BABAM1: variants seen among roughly 807,000 people sequenced by gnomAD.
The protein encoded by BABAM1 is BRISC and BRCA1-A complex member 1.
Under a neutral mutation model 34.4 loss-of-function variants are expected in BABAM1, and 14 were observed. That is an observed-to-expected ratio of 0.41 (90% CI 0.27 to 0.64). The LOEUF is 0.64. BABAM1 is among the 30% of genes least tolerant of loss of function. The pLI is 0.34. For missense variants in BABAM1, 393 were observed against 434.0 expected (o/e 0.91, Z 0.84); for synonymous variants, 169 against 165.8 (o/e 1.02, Z -0.15).
rs1188064192 is a variant in BABAM1 at position 17,276,583 on chromosome 19, C to T, written c.658C>T (p.Pro220Ser). ...CCGCACCATCCTTGTCTACAGCCGT[C>T]CACCTTGCCAGCCCCAGTTCTCCTT... Reference protein sequence around the residue: ...VVRTILVYSRPPCQPQFSLTE... With the variant: ...VVRTILVYSRSPCQPQFSLTE... Residue 220 changes from proline to serine, a missense_variant, in exon 7 of 9, where the codon CCA becomes TCA. Coordinates refer to ENST00000598188, the MANE Select transcript of BABAM1 (RefSeq NM_014173.4). The T allele has an allele frequency of 3.1e-6, 5 of 1,606,504 alleles. No individual in the cohort carries two copies. Among genetic ancestry groups the T allele is most frequent in the Non-Finnish European group, 3.4e-6 (4 of 1,176,700 alleles).
At chr19:17,270,221 G>A (rs1004618980) in intron 2 of BABAM1, among the ~76,000 whole-genome samples, 15 of 152,054 alleles carry the variant, frequency 9.9e-5, no homozygotes, top group Admixed American at 3.9e-4. Flanking sequence ...GTGAGCCACC[G>A]CACCCAGCCA....
At chr19:17,275,257 A>G (rs567423904) in intron 5 of BABAM1, among the ~76,000 whole-genome samples, 111 of 151,568 alleles carry the variant, frequency 7.3e-4, no homozygotes, top group Non-Finnish European at 1.4e-3. Flanking sequence ...TCTCTGCTCC[A>G]AAACCTCCCA....
intron 1 of BABAM1, among the ~76,000 whole-genome samples, chr19:17,268,090 C>T (rs963227122): frequency 1.8e-4 from 28 of 152,064 alleles, no homozygotes; most frequent in Admixed American, 2.6e-4. Flanking sequence ...ACCAGCTCTG[C>T]AACTCTAATG....
chr19:17,268,342 T>C (rs752816152), intron 1 of BABAM1, among the ~76,000 whole-genome samples: 7 of 151,910 alleles, frequency 4.6e-5, no homozygotes, highest in Non-Finnish European at 1.0e-4. Context: ...GCAGCCATTC[T>C]GCAGCTGAGG....
chr19:17,275,435 CAT>C (rs1049786004), intron 5 of BABAM1, among the ~76,000 whole-genome samples: 9 of 152,256 alleles, frequency 5.9e-5, no homozygotes, highest in Non-Finnish European at 1.0e-4. Flanking sequence ...GGATTACAGA[CAT>C]GTGCCATCAG....
intron 2 of BABAM1, among the ~76,000 whole-genome samples, chr19:17,271,258 G>A (rs1347192546): frequency 1.3e-5 from 2 of 152,098 alleles, no homozygotes; most frequent in Admixed American, 6.6e-5. Context: ...CCTAAGTGCT[G>A]GGATTACAGG....
chr19:17,269,929 C>CT (rs1229409830), intron 2 of BABAM1, among the ~76,000 whole-genome samples: 1,836 of 126,242 alleles, frequency 0.015, 31 homozygotes, highest in African/African-American at 0.046. Context: ...TTCTTTCTTT[C>CT]TTTTTTTTTT....
chr19:17,273,548 TTTTTTTGTTTGTTTTG>T (rs757486389), intron 3 of BABAM1, among the ~76,000 whole-genome samples: 41,599 of 88,754 alleles, frequency 0.47, 7,112 homozygotes, highest in African/African-American at 0.51. Context: ...GAAGGAAGTT[TTTTTTTGTTTGTTTTG>T]TTTTTTTTTT....
chr19:17,269,031 G>T lies in BABAM1; in HGVS notation c.225G>T (p.Val75=), dbSNP rs1568332682. The change falls in exon 2 of 9, where the codon GTG becomes GTT. Residue 75 remains valine (V), a synonymous_variant. Coordinates refer to ENST00000598188, the MANE Select transcript of BABAM1 (RefSeq NM_014173.4). The part of the protein sequence containing the change: ...TSGAGPKSWQ[V]PPPAPEVQIR... Reference sequence around the variant, plus strand: ...GAGCCGGCCCTAAGTCCTGGCAGGTGCCCCCGCCAGCCCCTGAGGTCCAAA... The same window carrying T: ...GAGCCGGCCCTAAGTCCTGGCAGGTTCCCCCGCCAGCCCCTGAGGTCCAAA... 6.3e-7 allele frequency: 1 copy of T among 1,586,332 alleles called. No homozygotes were observed. The highest frequency in any genetic ancestry group is 1.3e-5 in the African/African-American group (1 of 74,528).
intron 7 of BABAM1, 39 bp from the exon 8 acceptor site, chr19:17,276,784 C>A: frequency 6.3e-7 from 1 of 1,579,420 alleles, no homozygotes; most frequent in South Asian, 1.2e-5. Flanking sequence ...ACGGGGTGAC[C>A]CAAGCCCCAG....
At chr19:17,272,794 G>A (rs868817819) in intron 3 of BABAM1, among the ~76,000 whole-genome samples, 1 of 151,984 alleles carries the variant, frequency 6.6e-6, no homozygotes, top group Non-Finnish European at 1.5e-5. Context: ...CAAGGTGGGC[G>A]GATCACGAGG....
At position 17,274,108 on chromosome 19, in the gene BABAM1, T is replaced by C; in HGVS notation, c.467T>C (p.Leu156Pro). ...LVVVNDDTAW[L>P]SGLTSDPREL... ...ACTGAGGCCTCTGCTTCCCTGCAGC[T>C]GTCTGGCCTGACCTCCGACCCCCGC... Residue 156 changes from leucine to proline, a missense_variant and splice_region_variant, in exon 5 of 9, where the codon CTG becomes CCG. Leu to Pro is a moderately conservative substitution (Grantham distance 98, BLOSUM62 -3). Coordinates refer to ENST00000598188, the MANE Select transcript of BABAM1 (RefSeq NM_014173.4). 1 of 1,613,802 alleles carries C rather than the reference T, an allele frequency of 6.2e-7. No individual in the cohort carries two copies. The highest frequency in any genetic ancestry group is 8.5e-7 in the Non-Finnish European group (1 of 1,179,868).
intron 2 of BABAM1, among the ~76,000 whole-genome samples, chr19:17,271,081 C>T (rs920026628): frequency 6.6e-5 from 10 of 151,744 alleles, no homozygotes; most frequent in Admixed American, 3.3e-4. Flanking sequence ...CTCCACCTCC[C>T]GGGTTCAAGC....
chr19:17,277,895 G>A (rs1000746541), intron 8 of BABAM1, among the ~76,000 whole-genome samples: 2 of 149,846 alleles, frequency 1.3e-5, no homozygotes, highest in Admixed American at 1.3e-4. Context: ...ATAAAAATAC[G>A]GCCAGGTGTG....
Position 17,279,053 on chromosome 19 carries a change from T to C in BABAM1, c.*5T>C, listed in dbSNP as rs1599503542. 3 of 1,605,698 alleles carry C rather than the reference T, an allele frequency of 1.9e-6. No individual in the cohort carries two copies. In the East Asian group the frequency reaches 6.7e-5, roughly 36 times the overall value. The stretch of plus-strand genomic sequence containing the variant: ...GAGGTTGAGGCCACTGTCTGAACCA[T>C]CCCTGTACATCTGCACCTTCTTGTG... On this transcript the variant is annotated 3_prime_UTR_variant, in exon 9 of 9. Coordinates refer to ENST00000598188, the MANE Select transcript of BABAM1 (RefSeq NM_014173.4).
rs2073946808 is a variant in BABAM1 at position 17,279,263 on chromosome 19, C to G, written c.*215C>G. ...TGTGTCTCCCAGCCCATTTCCACTC[C>G]TAGTTTGTCATGGATAATTTTTGTT... On this transcript the variant is annotated 3_prime_UTR_variant, in exon 9 of 9. Coordinates refer to ENST00000598188, the MANE Select transcript of BABAM1 (RefSeq NM_014173.4). The G allele has an allele frequency of 2.0e-6, 1 of 498,094 alleles. No individual in the cohort carries two copies. Among genetic ancestry groups the G allele is most frequent in the Non-Finnish European group, 3.5e-6 (1 of 283,364 alleles). 30.9% of individuals were successfully genotyped at this position (498,094 alleles called of 1,614,324 possible).
intron 1 of BABAM1, chr19:17,268,570 T>A (rs2073797449): frequency 2.4e-6 from 1 of 415,324 alleles, no homozygotes; most frequent in East Asian, 4.7e-5. Context: ...GCTGGGATTA[T>A]CCGCATGCGC....
chr19:17,275,795 C>G lies in BABAM1; in HGVS notation c.545-6C>G. 6.2e-7 allele frequency: 1 copy of G among 1,613,876 alleles called. No individual in the cohort carries two copies. On this transcript the variant is annotated splice_polypyrimidine_tract_variant and splice_region_variant and intron_variant, in intron 5 of 8. Coordinates refer to ENST00000598188, the MANE Select transcript of BABAM1 (RefSeq NM_014173.4). ...CTACTAGCCTTCTCCTTAGCACCCC[C>G]ACCAGATCTGGAAGGACTTTTCAGC...
Position 17,276,499 on chromosome 19 carries a change from C to G in BABAM1, c.574C>G (p.Gln192Glu), listed in dbSNP as rs1344952069. 7 of 1,592,540 alleles carry G rather than the reference C, an allele frequency of 4.4e-6. No homozygotes were observed. Among genetic ancestry groups the G allele is most frequent in the Non-Finnish European group, 6.0e-6 (7 of 1,170,208 alleles). ...TCCCTCCTCCCGGGTATGCAGCCAG[C>G]AGAAAACTGAGCTTCCGGTCACAGA... is the stretch of plus-strand genomic sequence containing the variant. The part of the protein sequence containing the change: ...NLEGLFSLIQ[Q>E]KTELPVTENV... Residue 192 changes from glutamine to glutamate, a missense_variant, in exon 7 of 9, where the codon CAG becomes GAG. Physicochemically the swap from Gln to Glu is conservative, Grantham distance 29. Coordinates refer to ENST00000598188, the MANE Select transcript of BABAM1 (RefSeq NM_014173.4).
Sources: gnomAD v4.1 joint callset for allele counts (sites outside exome capture counted in the v4.1 genomes callset) on GRCh38, gnomAD v4.1.1 for gene constraint, MANE v1.5 for transcripts, NCBI Gene and HGNC (gene_info 2026-07-23, HGNC 2026-07-21) for gene names.